RARB: variants seen among roughly 807,000 people sequenced by gnomAD.
RARB encodes the protein HBV-activated protein.
In RARB, 17 loss-of-function variants were observed where a neutral mutation model predicts 51.9. The ratio of observed to expected loss-of-function variants is 0.33; its 90% CI spans 0.22 to 0.49. The LOEUF (loss-of-function observed/expected upper bound fraction) is 0.49, where lower values mean the gene tolerates loss of function less well. RARB is among the 20% of genes least tolerant of loss of function. RARB has a pLI of 0.99. For synonymous variants in RARB, 215 were observed against 195.4 expected (o/e 1.10, Z -0.84); for missense variants, 369 against 550.8 (o/e 0.67, Z 3.30).
At chr3:24,907,620 A>G (rs1694894605) in intron 2 of RARB, among the ~76,000 whole-genome samples, 2 of 152,192 alleles carry the variant, frequency 1.3e-5, no homozygotes, top group South Asian at 2.1e-4. Context: ...GAGTAAGGAT[A>G]TGGGATGGCA....
chr3:24,906,840 G>A (rs1481428512), intron 2 of RARB, among the ~76,000 whole-genome samples: 8 of 69,504 alleles, frequency 1.2e-4, no homozygotes, highest in African/African-American at 4.5e-4. Context: ...ATGAGATTCC[G>A]TCTCAAAAAA....
chr3:25,360,954 T>C (rs1705914623), intron 5 of RARB, among the ~76,000 whole-genome samples: 1 of 152,176 alleles, frequency 6.6e-6, no homozygotes, highest in Admixed American at 6.5e-5. Flanking sequence ...TGATGATGTG[T>C]CTTGGAGTTG....
intron 2 of RARB, among the ~76,000 whole-genome samples, chr3:25,042,201 G>T (rs914320078): frequency 1.3e-5 from 2 of 152,140 alleles, no homozygotes; most frequent in Non-Finnish European, 2.9e-5. Flanking sequence ...ATTGTAAACC[G>T]TAGCTATTTT....
At chr3:25,465,587 G>C (rs1389036940) in intron 2 of RARB, among the ~76,000 whole-genome samples, 1 of 152,176 alleles carries the variant, frequency 6.6e-6, no homozygotes, top group African/African-American at 2.4e-5. Flanking sequence ...GCAGCCATAC[G>C]ATGGTGGTCA....
rs549663332 is a variant in RARB, at chr3:24,930,560, G to A, written c.-380+71808G>A. Among the ~76,000 whole-genome samples, 26 of 152,138 alleles carry A rather than the reference G, an allele frequency of 1.7e-4. No individual in the cohort carries two copies. In the East Asian group the frequency reaches 3.7e-3, roughly 22 times the overall value. The stretch of plus-strand genomic sequence containing the variant: ...TCTCCTTCAACGTTTTATCCCCAAT[G>A]CCTGGCACATAATAGGAGTTCAACT... On this transcript the variant is annotated intron_variant, in intron 2 of 11. Coordinates refer to the RARB transcript ENST00000383772.
intron 5 of RARB, among the ~76,000 whole-genome samples, chr3:25,341,267 C>T (rs1376273962): frequency 6.6e-6 from 1 of 152,170 alleles, no homozygotes; most frequent in East Asian, 1.9e-4. Flanking sequence ...AGTACAGAGG[C>T]TGTCCATAAA....
chr3:25,357,168 C>T (rs775880136), intron 5 of RARB, among the ~76,000 whole-genome samples: 4 of 152,184 alleles, frequency 2.6e-5, no homozygotes, highest in Admixed American at 1.3e-4. Flanking sequence ...ACATCCTCTC[C>T]AGCATCTGTT....
At chr3:25,186,958 T>C (rs1257439708) in intron 5 of RARB, among the ~76,000 whole-genome samples, 8 of 142,048 alleles carry the variant, frequency 5.6e-5, no homozygotes, top group African/African-American at 5.3e-5. Flanking sequence ...CTAAGTTTGA[T>C]GAAGAGTAGC....
chr3:25,193,856 ACT>A (rs1327519181), intron 5 of RARB, among the ~76,000 whole-genome samples: 1 of 151,968 alleles, frequency 6.6e-6, no homozygotes. Context: ...CTATACTGAC[ACT>A]CAGTTTCAAA....
At chr3:25,431,715 C>T (rs78311930) in intron 1 of RARB, among the ~76,000 whole-genome samples, 7,848 of 152,126 alleles carry the variant, frequency 0.052, 279 homozygotes, top group Middle Eastern at 0.092. Context: ...TTTCTCCCTA[C>T]TCAACACATC....
At chr3:25,114,264 C>T (rs1028661612) in intron 3 of RARB, among the ~76,000 whole-genome samples, 47 of 152,168 alleles carry the variant, frequency 3.1e-4, no homozygotes, top group African/African-American at 1.1e-3. Context: ...TGGTGCAGCA[C>T]TCTCTGCTCT....
chr3:25,057,456 C>G lies in RARB; in HGVS notation c.-379-2669C>G, dbSNP rs184370044. The stretch of plus-strand genomic sequence containing the variant: ...AGGCTGAATTTTAAATTCCTAATCT[C>G]TTAGGGAAATCATAAGCAAAAATAG... On this transcript the variant is annotated intron_variant, in intron 2 of 11. Transcript: ENST00000383772. Among the ~76,000 whole-genome samples the G allele has an allele frequency of 8.5e-5, 13 of 152,090 alleles. No homozygotes were observed. The East Asian group carries it at 2.1e-3, about 25-fold the overall frequency.
chr3:25,131,295 G>C (rs11129187), intron 3 of RARB, among the ~76,000 whole-genome samples: 84,822 of 151,826 alleles, frequency 0.56, 23,949 homozygotes, highest in East Asian at 0.7. Context: ...TAATCATTTT[G>C]TGTTTAGCTG....
intron 2 of RARB, among the ~76,000 whole-genome samples, chr3:24,870,675 C>G (rs1380436834): frequency 6.6e-6 from 1 of 151,962 alleles, no homozygotes; most frequent in African/African-American, 2.4e-5. Context: ...TCATTTTGCC[C>G]TGCATGTATG....
chr3:25,175,281 G>A (rs114895601), intron 5 of RARB, among the ~76,000 whole-genome samples: 92 of 152,304 alleles, frequency 6.0e-4, no homozygotes, highest in African/African-American at 2.1e-3. Context: ...TAGCCAGCGA[G>A]CTTTTCCACC....
At chr3:25,319,953 A>T (rs987256906) in intron 5 of RARB, among the ~76,000 whole-genome samples, 5 of 152,150 alleles carry the variant, frequency 3.3e-5, no homozygotes, top group African/African-American at 1.2e-4. Flanking sequence ...GGTGGTCAAA[A>T]GCTTGCCGTA....
intron 2 of RARB, among the ~76,000 whole-genome samples, chr3:24,983,383 C>G (rs1338027585): frequency 1.3e-5 from 2 of 151,128 alleles, no homozygotes; most frequent in African/African-American, 2.4e-5. Flanking sequence ...TATTTATTTT[C>G]TACCTTAAGT....
intron 5 of RARB, among the ~76,000 whole-genome samples, chr3:25,280,979 C>A (rs1302720609): frequency 2.6e-5 from 4 of 152,144 alleles, no homozygotes; most frequent in African/African-American, 9.7e-5. Context: ...AGCTTAAGAA[C>A]AAACTTGTTT....
intron 5 of RARB, among the ~76,000 whole-genome samples, chr3:25,212,969 A>AT (rs1338131560): frequency 6.6e-6 from 1 of 152,160 alleles, no homozygotes; most frequent in Admixed American, 6.5e-5. Flanking sequence ...GCGGCACGTA[A>AT]TGTTCTCATA....
Sources: gnomAD v4.1 joint callset for allele counts (sites outside exome capture counted in the v4.1 genomes callset) on GRCh38, gnomAD v4.1.1 for gene constraint, MANE v1.5 for transcripts, NCBI Gene and HGNC (gene_info 2026-07-23, HGNC 2026-07-21) for gene names.